EQTN: variants seen among roughly 807,000 people sequenced by gnomAD.
The protein encoded by EQTN is Acrosome formation associated factor.
In EQTN, 29 loss-of-function variants were observed where a neutral mutation model predicts 26.9. The ratio of observed to expected loss-of-function variants is 1.08; its 90% CI spans 0.80 to 1.47. EQTN has a LOEUF of 1.47. Among genes scored for constraint, EQTN ranks in the 40% most tolerant of loss-of-function variants. The pLI, the probability that EQTN is intolerant of heterozygous loss-of-function variation, is 0.00. For synonymous variants in EQTN, 129 were observed against 120.0 expected, an observed-to-expected ratio of 1.07 and a Z score of -0.49; for missense variants, 391 against 346.1, an observed-to-expected ratio of 1.13 and a Z score of -1.03.
At chr9:27,295,848 A>AC (rs1820329748) in intron 2 of EQTN, among the ~76,000 whole-genome samples, 2 of 151,346 alleles carry the variant, frequency 1.3e-5, no homozygotes, top group East Asian at 3.9e-4. Flanking sequence ...AAAAAAAAAA[A>AC]AAAAAACAAC....
intron 2 of EQTN, among the ~76,000 whole-genome samples, chr9:27,296,278 A>C (rs1306558245): frequency 6.6e-6 from 1 of 152,228 alleles, no homozygotes; most frequent in African/African-American, 2.4e-5. Context: ...ACTGCACTCC[A>C]GCCTGGGTGA....
At position 27,284,903 on chromosome 9, in the gene EQTN, T is replaced by C. The variant is rs1330425754; in HGVS notation, c.705A>G (p.Ser235=). ...ELATMSYFHP[S]EGVSDTSFSK... is the part of the protein sequence containing the mutation. ...AAAAGGATGTATCTGAAACACCTTC[T>C]GATGGATGAAAGTAAGACATCGTGG... is the stretch of plus-strand genomic sequence containing the variant. The change falls in exon 8 of 8, where the codon TCA becomes TCG. Residue 235 remains serine (S), a synonymous_variant. Transcript: ENST00000380032. 1 of 1,614,144 alleles carries C rather than the reference T, an allele frequency of 6.2e-7. No individual in the cohort carries two copies. The highest frequency in any genetic ancestry group is 8.5e-7 in the Non-Finnish European group (1 of 1,179,984).
intron 1 of EQTN, 24 bp downstream of exon 1, chr9:27,296,956 T>A (rs1359909662): frequency 3.1e-6 from 5 of 1,606,394 alleles, no homozygotes; most frequent in Non-Finnish European, 4.2e-6. Flanking sequence ...ACTATTTTTA[T>A]AAAAGTTTTA....
At chr9:27,286,105 A>G (rs968725574) in intron 7 of EQTN, 104 bp downstream of exon 7, 26 of 1,125,338 alleles carry the variant, frequency 2.3e-5, no homozygotes, top group Non-Finnish European at 3.1e-5. Context: ...TGTCGTATGG[A>G]TGAATTCAGA....
intron 6 of EQTN, among the ~76,000 whole-genome samples, chr9:27,287,225 C>A (rs988264237): frequency 6.6e-6 from 1 of 152,136 alleles, no homozygotes; most frequent in African/African-American, 2.4e-5. Flanking sequence ...TAAGCAATGA[C>A]AAGCTTCCAT....
rs145758218 is a variant in EQTN, at chr9:27,284,886, G to C, written c.722C>G (p.Thr241Arg). 9.0e-5 allele frequency: 145 copies of C among 1,614,126 alleles called. No individual in the cohort carries two copies. In the African/African-American group the frequency reaches 1.8e-3, roughly 20 times the overall value. The change falls in exon 8 of 8, where the codon ACA becomes AGA. Residue 241 changes from threonine to arginine, a missense_variant. Coordinates refer to ENST00000380032, the MANE Select transcript of EQTN (RefSeq NM_020641.3). Reference sequence around the variant, plus strand: ...GCTCTCTGCACTCTTGGAAAAGGATGTATCTGAAACACCTTCTGATGGATG... The same window carrying C: ...GCTCTCTGCACTCTTGGAAAAGGATCTATCTGAAACACCTTCTGATGGATG... ...YFHPSEGVSDTSFSKSAESST... is the reference protein window; with the variant it reads ...YFHPSEGVSDRSFSKSAESST...
chr9:27,284,695 G>A lies in EQTN; in HGVS notation c.*28C>T. The A allele has an allele frequency of 4.4e-6, 7 of 1,595,682 alleles. No homozygotes were observed. The highest frequency in any genetic ancestry group is 5.1e-6 in the Non-Finnish European group (6 of 1,171,920). On this transcript the variant is annotated 3_prime_UTR_variant, in exon 8 of 8. Transcript: ENST00000380032. ...ATTAAAGTTATTTATTCATCAATAA[G>A]ATTTCTTCACCGGGTTCCTTGATTT...
At chr9:27,290,889 TG>T (rs1820220818) in intron 5 of EQTN, 129 bp downstream of exon 5, 2 of 601,050 alleles carry the variant, frequency 3.3e-6, no homozygotes, top group East Asian at 6.0e-5. Context: ...TTTTGAAGTT[TG>T]CTATTACATG....
chr9:27,296,771 AAT>A (rs762068019), intron 1 of EQTN, 33 bp from the exon 2 acceptor site: 1 of 1,587,390 alleles, frequency 6.3e-7, no homozygotes, highest in East Asian at 2.2e-5. Context: ...ATAGATCAGA[AAT>A]ATGTTGATTT....
chr9:27,285,063 C>T lies in EQTN; in HGVS notation c.636-91G>A, dbSNP rs899934254. 25 of 1,114,730 alleles carry T rather than the reference C, an allele frequency of 2.2e-5. No homozygotes were observed. In the East Asian group the frequency reaches 3.3e-4, roughly 15 times the overall value. The allele number at this position is 1,114,730 out of a possible 1,614,324, so 69.1% of individuals were successfully genotyped here. On this transcript the variant is annotated intron_variant, in intron 7 of 7. Transcript: ENST00000380032. ...AAAAGCATTCAAAAATTAAAATATA[C>T]GAATTTTGCCCAAAGTGTTAGTTAC...
At chr9:27,294,932 A>G (rs1295963213) in intron 2 of EQTN, among the ~76,000 whole-genome samples, 6 of 152,210 alleles carry the variant, frequency 3.9e-5, no homozygotes, top group Non-Finnish European at 8.8e-5. Context: ...ACTAATGTAT[A>G]TATTCCCCCC....
Position 27,284,811 on chromosome 9 carries a change from C to G in EQTN, c.797G>C (p.Arg266Thr). ...TSSDMRRSGT[R>T]TSESKIMTDI... ...CGTCATTATCTTAGATTCTGATGTT[C>G]TTGTGCCTGATCTTCTCATATCTGA... is the stretch of plus-strand genomic sequence containing the variant. The change falls in exon 8 of 8, where the codon AGA becomes ACA. Residue 266 changes from arginine (R) to threonine (T), a missense_variant. Coordinates refer to ENST00000380032, the MANE Select transcript of EQTN (RefSeq NM_020641.3). 7 of 1,614,094 alleles carry G rather than the reference C, an allele frequency of 4.3e-6. No homozygotes were observed. The highest frequency in any genetic ancestry group is 5.9e-6 in the Non-Finnish European group (7 of 1,180,006).
chr9:27,291,034 T>C lies in EQTN; in HGVS notation c.406A>G (p.Thr136Ala). 1.2e-6 allele frequency: 2 copies of C among 1,612,210 alleles called. No homozygotes were observed. Among genetic ancestry groups the C allele is most frequent in the Non-Finnish European group, 1.7e-6 (2 of 1,179,446 alleles). ...ATGACTTTACCTTTAGCTAACATTG[T>C]CCAAAATGCAGGCACGTTTGGGGTT... ...RSTPNVPAFW[T>A]MLAKAINGTA... is the part of the protein sequence containing the mutation. Residue 136 changes from threonine to alanine, a missense_variant, in exon 5 of 8, where the codon ACA becomes GCA. By Grantham distance (58) the Thr-to-Ala change is moderately conservative. Transcript: ENST00000380032.
chr9:27,292,310 C>T, intron 4 of EQTN, 91 bp downstream of exon 4: 1 of 726,564 alleles, frequency 1.4e-6, no homozygotes, highest in Non-Finnish European at 2.2e-6. Context: ...CATGCTATGG[C>T]TTTATGTAAT....
At chr9:27,294,556 G>A (rs935324825) in intron 2 of EQTN, 154 bp from the exon 3 acceptor site, 1 of 420,484 alleles carries the variant, frequency 2.4e-6, no homozygotes, top group African/African-American at 2.0e-5. Flanking sequence ...AAATAAGAAA[G>A]TGGGGCAAGG....
At position 27,295,630 on chromosome 9, in the gene EQTN, G is replaced by A. The variant is rs190983212; in HGVS notation, c.202+983C>T. On this transcript the variant is annotated intron_variant, in intron 2 of 7. Coordinates refer to ENST00000380032, the MANE Select transcript of EQTN (RefSeq NM_020641.3). ...GGGCGGATCACGAGGTCAGGAGATC[G>A]AGACCATCCTGGCTAACACTGTGAA... 3.3e-5 allele frequency among the ~76,000 whole-genome samples: 5 copies of A among 151,918 alleles called. No individual in the cohort carries two copies. In the East Asian group the frequency reaches 7.8e-4, roughly 24 times the overall value.
At chr9:27,294,583 A>T in intron 2 of EQTN, 181 bp from the exon 3 acceptor site, 1 of 384,810 alleles carries the variant, frequency 2.6e-6, no homozygotes, top group Non-Finnish European at 4.6e-6. Flanking sequence ...TCTAAAACTC[A>T]TTGAAAAAAG....
chr9:27,293,550 C>A (rs373795862), intron 3 of EQTN, among the ~76,000 whole-genome samples: 43 of 152,154 alleles, frequency 2.8e-4, no homozygotes, highest in Non-Finnish European at 4.4e-5. Context: ...CCTGACAATC[C>A]TCTGGGGGCC....
In EQTN at chr9:27,284,871, C is replaced by G; in HGVS notation, c.737G>C (p.Ser246Thr). ...ACCCAAAAATGTGCTGCTCTCTGCACTCTTGGAAAAGGATGTATCTGAAAC... is the reference window on the plus strand; with the variant it reads ...ACCCAAAAATGTGCTGCTCTCTGCAGTCTTGGAAAAGGATGTATCTGAAAC... ...EGVSDTSFSK[S>T]AESSTFLGTT... The change falls in exon 8 of 8, where the codon AGT becomes ACT. Residue 246 changes from serine (S) to threonine (T), a missense_variant. Transcript: ENST00000380032. 6.2e-7 allele frequency: 1 copy of G among 1,614,102 alleles called. No homozygotes were observed. Among genetic ancestry groups the G allele is most frequent in the Non-Finnish European group, 8.5e-7 (1 of 1,180,026 alleles).
Sources: allele counts gnomAD v4.1 joint callset (sites outside exome capture counted in the v4.1 genomes callset), GRCh38; gene constraint gnomAD v4.1.1; transcripts MANE v1.5; gene names NCBI Gene and HGNC (gene_info 2026-07-23, HGNC 2026-07-21).